Variants in NONO observed in about 807,000 individuals in gnomAD.
The protein encoded by NONO is non-POU domain-containing octamer-binding protein.
In NONO, 6 loss-of-function variants were observed where a neutral mutation model predicts 40.2. The ratio of observed to expected loss-of-function variants is 0.15; its 90% CI spans 0.08 to 0.29. The LOEUF is 0.29. Ranked by LOEUF, NONO falls within the 10% of genes least tolerant of loss-of-function variation. The pLI is 1.00. For synonymous variants in NONO, 89 were observed against 123.3 expected, an observed-to-expected ratio of 0.72 and a Z score of 1.85; for missense variants, 133 against 397.8, an observed-to-expected ratio of 0.33 and a Z score of 5.66.
At chrX:71,299,655 G>A (rs758930375) in intron 11 of NONO, among the ~76,000 whole-genome samples, 6 of 110,410 alleles carry the variant, frequency 5.4e-5, no homozygotes, top group Admixed American at 1.9e-4. Flanking sequence ...TGCTCTTGTC[G>A]CCCAGGCTGG....
At chrX:71,298,573 G>C in intron 10 of NONO, 65 bp downstream of exon 10, 3 of 1,092,906 alleles carry the variant, frequency 2.7e-6, no homozygotes, top group South Asian at 3.7e-5. Context: ...GAACTATGTA[G>C]CTTCTGCTGC....
chrX:71,297,524 C>A, intron 8 of NONO, 63 bp downstream of exon 8: 1 of 801,477 alleles, frequency 1.2e-6, no homozygotes, highest in East Asian at 3.5e-5. Flanking sequence ...CTCCTCTTTC[C>A]TACTGCCATG....
chrX:71,297,240 C>T (rs1256248586), intron 7 of NONO, 137 bp from the exon 8 acceptor site: 3 of 683,164 alleles, frequency 4.4e-6, no homozygotes, highest in Admixed American at 7.3e-5. Context: ...ATAGGTATAA[C>T]TTCATTTTGG....
chrX:71,287,746 A>G (rs1386193182), intron 2 of NONO, among the ~76,000 whole-genome samples: 2 of 106,952 alleles, frequency 1.9e-5, no homozygotes, highest in East Asian at 5.9e-4. Flanking sequence ...GTGCAGTGTT[A>G]TGATTTGCCT....
rs2031555907 is a variant in NONO at position 71,300,427 on chromosome X, C to T, written c.*351C>T. On this transcript the variant is annotated 3_prime_UTR_variant, in exon 12 of 12. Coordinates refer to ENST00000276079, the MANE Select transcript of NONO (RefSeq NM_007363.5). ...GTCCATCTTGTTTCATTTGCTTGCC[C>T]CGCCCCCGAGACGGAGTCTTACTCT... 1 of 272,644 alleles carries T rather than the reference C, an allele frequency of 3.7e-6. No individual in the cohort carries two copies. The highest frequency in any genetic ancestry group is 6.5e-6 in the Non-Finnish European group (1 of 154,097). 22.5% of individuals were successfully genotyped at this position (272,644 alleles called of 1,213,427 possible).
At chrX:71,296,413 A>G (rs1380181649) in intron 5 of NONO, 152 bp from the exon 6 acceptor site, 2 of 429,378 alleles carry the variant, frequency 4.7e-6, no homozygotes, top group Admixed American at 9.5e-5. Flanking sequence ...CCCCCAGCCC[A>G]ACCCCAAATT....
At position 71,300,483 on chromosome X, in the gene NONO, C is replaced by A; in HGVS notation, c.*407C>A. On this transcript the variant is annotated 3_prime_UTR_variant, in exon 12 of 12. Coordinates refer to ENST00000276079, the MANE Select transcript of NONO (RefSeq NM_007363.5). ...CCAGGCTGGAGTGTAGTGGCATGAT[C>A]TCGGCTCACTGCAATCTCTGCCTCC... 4.5e-6 allele frequency: 1 copy of A among 221,266 alleles called. No individual in the cohort carries two copies. Among genetic ancestry groups the A allele is most frequent in the Non-Finnish European group, 8.0e-6 (1 of 124,314 alleles). 18.2% of individuals were successfully genotyped at this position (221,266 alleles called of 1,213,427 possible). A position where few individuals can be genotyped will look rare whatever the true frequency, so the allele number is the denominator to read the frequency against.
At chrX:71,298,045 ACCCTTT>A in intron 9 of NONO, 107 bp downstream of exon 9, 2 of 516,736 alleles carry the variant, frequency 3.9e-6, no homozygotes, top group South Asian at 3.4e-5. Flanking sequence ...TTGTGAAATA[ACCCTTT>A]AGAAAAAAGA....
intron 5 of NONO, among the ~76,000 whole-genome samples, chrX:71,294,978 G>A (rs1180000286): frequency 8.9e-6 from 1 of 112,023 alleles, no homozygotes; most frequent in Non-Finnish European, 1.9e-5. Context: ...AGCAATTTGG[G>A]AGGCCGAGGC....
intron 7 of NONO, 137 bp from the exon 8 acceptor site, chrX:71,297,240 C>A (rs1256248586): frequency 1.5e-6 from 1 of 683,164 alleles, no homozygotes; most frequent in African/African-American, 2.2e-5. Flanking sequence ...ATAGGTATAA[C>A]TTCATTTTGG....
chrX:71,294,999 T>G (rs778312332), intron 5 of NONO, among the ~76,000 whole-genome samples: 1 of 111,696 alleles, frequency 9.0e-6, no homozygotes, highest in Non-Finnish European at 1.9e-5. Context: ...GGGCAGATCA[T>G]GAGTTGAGGA....
At chrX:71,299,458 A>G (rs1470956557) in intron 11 of NONO, among the ~76,000 whole-genome samples, 1 of 112,127 alleles carries the variant, frequency 8.9e-6, no homozygotes, top group African/African-American at 3.2e-5. Flanking sequence ...CTGATTGACT[A>G]TGTTTGTTGG....
chrX:71,289,801 C>G (rs1045393929), intron 2 of NONO, among the ~76,000 whole-genome samples: 17 of 109,617 alleles, frequency 1.6e-4, no homozygotes, highest in African/African-American at 4.7e-4. Flanking sequence ...GAGACGGAGT[C>G]TCACTCTGTC....
At chrX:71,295,766 G>A (rs1311815411) in intron 5 of NONO, among the ~76,000 whole-genome samples, 1 of 111,971 alleles carries the variant, frequency 8.9e-6, no homozygotes, top group East Asian at 2.8e-4. Context: ...ACTCTAGCCT[G>A]GGCGACAGAG....
At chrX:71,290,174 G>A (rs2031291777) in intron 2 of NONO, among the ~76,000 whole-genome samples, 2 of 110,093 alleles carry the variant, frequency 1.8e-5, no homozygotes, top group Admixed American at 9.7e-5. Flanking sequence ...AGCCTCCCGA[G>A]TACCTAGAAC....
rs2031121928 is a variant in NONO, at chrX:71,283,669, G to C, written c.-119G>C. On this transcript the variant is annotated 5_prime_UTR_variant, in exon 1 of 12. Coordinates refer to ENST00000276079, the MANE Select transcript of NONO (RefSeq NM_007363.5). The stretch of plus-strand genomic sequence containing the variant: ...GGTCGCGCGCTCTTTTCTCGGGACG[G>C]GAGAGGCCGTGTAGCGTCGCCGTTA... The C allele has an allele frequency of 9.0e-6, 1 of 111,509 alleles. No individual in the cohort carries two copies. Among genetic ancestry groups the C allele is most frequent in the Admixed American group, 9.6e-5 (1 of 10,444 alleles). The allele number at this position is 111,509 out of a possible 1,213,427, so 9.2% of individuals were successfully genotyped here. A position where few individuals can be genotyped will look rare whatever the true frequency, so the allele number is the denominator to read the frequency against.
intron 1 of NONO, 130 bp from the exon 2 acceptor site, chrX:71,284,267 C>T (rs1363546461): frequency 8.9e-6 from 1 of 112,530 alleles, no homozygotes; most frequent in East Asian, 2.8e-4. Flanking sequence ...CCGCCTAGCT[C>T]CTTGACGCAT....
chrX:71,293,961 C>T, intron 4 of NONO: 1 of 352,220 alleles, frequency 2.8e-6, no homozygotes, highest in Admixed American at 4.7e-5. Context: ...GATCTGTTGT[C>T]ATTGGGAGAA....
At chrX:71,290,420 G>A (rs894363627) in intron 2 of NONO, among the ~76,000 whole-genome samples, 1 of 110,982 alleles carries the variant, frequency 9.0e-6, no homozygotes, top group African/African-American at 3.3e-5. Flanking sequence ...CCTCCAGAAC[G>A]CAAGATTTTT....
Sources: allele counts gnomAD v4.1 joint callset (sites outside exome capture counted in the v4.1 genomes callset), GRCh38; gene constraint gnomAD v4.1.1; transcripts MANE v1.5; gene names NCBI Gene and HGNC (gene_info 2026-07-23, HGNC 2026-07-21).